NEXMIF: variants seen among roughly 807,000 people sequenced by gnomAD.
NEXMIF encodes the protein neurite extension and migration factor.
In NEXMIF, 8 loss-of-function variants were observed where a neutral mutation model predicts 62.1. That is an observed-to-expected ratio of 0.13 (90% CI 0.08 to 0.23). The LOEUF (loss-of-function observed/expected upper bound fraction) is 0.23, where lower values mean the gene tolerates loss of function less well. NEXMIF is among the 10% of genes least tolerant of loss of function. The pLI, the probability that NEXMIF is intolerant of heterozygous loss-of-function variation, is 1.00. For synonymous variants in NEXMIF, 404 were observed against 416.6 expected, an observed-to-expected ratio of 0.97 and a Z score of 0.37; for missense variants, 976 against 1,113.3, an observed-to-expected ratio of 0.88 and a Z score of 1.75.
intron 1 of NEXMIF, among the ~76,000 whole-genome samples, chrX:74,905,087 T>A (rs1223750339): frequency 9.0e-6 from 1 of 111,526 alleles, no homozygotes; most frequent in Admixed American, 9.6e-5. Flanking sequence ...GAAAAAGTAA[T>A]GTACATGTCA....
At chrX:74,924,468 G>A (rs1307480418) in intron 1 of NEXMIF, among the ~76,000 whole-genome samples, 2 of 113,216 alleles carry the variant, frequency 1.8e-5, no homozygotes, top group Admixed American at 1.8e-4. Context: ...CGCCGCGTGG[G>A]TTTTCCCGCT....
chrX:74,843,262 A>T (rs932745154), intron 1 of NEXMIF, among the ~76,000 whole-genome samples: 1 of 111,303 alleles, frequency 9.0e-6, no homozygotes, highest in African/African-American at 3.3e-5. Flanking sequence ...TTCGTTTGAA[A>T]TCTGTTTTGT....
intron 1 of NEXMIF, among the ~76,000 whole-genome samples, chrX:74,915,307 A>C (rs6647578): frequency 0.13 from 14,613 of 111,562 alleles, 1,581 homozygotes; most frequent in East Asian, 0.91. Context: ...ACAAATATAC[A>C]CATGTGATAA....
Position 74,744,337 on chromosome X carries a change from T to G in NEXMIF, c.220A>C (p.Met74Leu), listed in dbSNP as rs769994558. The G allele has an allele frequency of 6.6e-6, 8 of 1,211,681 alleles. No individual in the cohort carries two copies. The highest frequency in any genetic ancestry group is 8.9e-6 in the Non-Finnish European group (8 of 895,469). The part of the protein sequence containing the change: ...LLPLPSKKPC[M>L]QSPPSPLGLI... ...CCCAAAGGAGAGGGCGGGCTCTGCA[T>G]ACAGGGCTTCTTAGAGGGTAGAGGC... is the stretch of plus-strand genomic sequence containing the variant. Residue 74 changes from methionine (M) to leucine (L), a missense_variant, in exon 3 of 4, where the codon ATG becomes CTG. Transcript: ENST00000055682.
chrX:74,737,726 G>C lies in NEXMIF; in HGVS notation c.*1679C>G, dbSNP rs977454416. On this transcript the variant is annotated 3_prime_UTR_variant, in exon 4 of 4. Coordinates refer to ENST00000055682, the MANE Select transcript of NEXMIF (RefSeq NM_001008537.3). Reference sequence around the variant, plus strand: ...CTCTGTTTGTGAATACATTTAGGTGGCATTGACTAGGTAGGTTCATATTTT... The same window carrying C: ...CTCTGTTTGTGAATACATTTAGGTGCCATTGACTAGGTAGGTTCATATTTT... 1 of 111,238 alleles carries C rather than the reference G, an allele frequency of 9.0e-6. No homozygotes were observed. The highest frequency in any genetic ancestry group is 1.9e-5 in the Non-Finnish European group (1 of 52,952). 9.2% of individuals were successfully genotyped at this position (111,238 alleles called of 1,213,427 possible). A position where few individuals can be genotyped will look rare whatever the true frequency, so the allele number is the denominator to read the frequency against.
intron 1 of NEXMIF, among the ~76,000 whole-genome samples, chrX:74,791,990 T>A (rs1373733864): frequency 7.3e-4 from 81 of 110,665 alleles, no homozygotes; most frequent in Non-Finnish European, 1.3e-3. Context: ...TCTGCTCTGA[T>A]CTTAGTTATT....
At chrX:74,826,937 A>G (rs1055095599) in intron 1 of NEXMIF, among the ~76,000 whole-genome samples, 4 of 111,910 alleles carry the variant, frequency 3.6e-5, no homozygotes, top group Non-Finnish European at 7.5e-5. Flanking sequence ...CTCTCCAAAT[A>G]TGGTACAGTA....
chrX:74,826,865 A>ATTC (rs1569350709), intron 1 of NEXMIF, among the ~76,000 whole-genome samples: 1 of 111,687 alleles, frequency 9.0e-6, no homozygotes, highest in Non-Finnish European at 1.9e-5. Flanking sequence ...AAGTGTTATG[A>ATTC]TTCTAATATT....
At position 74,743,162 on chromosome X, in the gene NEXMIF, C is replaced by A. The variant is rs759191394; in HGVS notation, c.1395G>T (p.Arg465=). 1 of 1,210,937 alleles carries A rather than the reference C, an allele frequency of 8.3e-7. No homozygotes were observed. Among genetic ancestry groups the A allele is most frequent in the South Asian group, 1.8e-5 (1 of 56,890 alleles). ...AGGAGGAGCTGCCAGAATTAGTGTC[C>A]CGAGCCATATAGCGACTACAGTCCT... ...EIKDCSRYMA[R]DTNSGSSSSQ... is the part of the protein sequence containing the mutation. Residue 465 remains arginine (R), a synonymous_variant, in exon 3 of 4, where the codon CGG becomes CGT. Coordinates refer to ENST00000055682, the MANE Select transcript of NEXMIF (RefSeq NM_001008537.3).
intron 1 of NEXMIF, among the ~76,000 whole-genome samples, chrX:74,829,898 A>G (rs1462586304): frequency 9.0e-6 from 1 of 111,511 alleles, no homozygotes; most frequent in Non-Finnish European, 1.9e-5. Context: ...AAATCTGATT[A>G]TTAGATTTTT....
In NEXMIF at chrX:74,740,415, A is replaced by T. The variant is rs2080098457; in HGVS notation, c.4142T>A (p.Ile1381Asn). The T allele has an allele frequency of 8.3e-7, 1 of 1,211,046 alleles. No homozygotes were observed. Among genetic ancestry groups the T allele is most frequent in the Non-Finnish European group, 1.1e-6 (1 of 895,268 alleles). ...AGTPQESKKK[I>N]NSGSQGATKN... ...AGTGGCTCCTTGGGACCCACTGTTG[A>T]TCTTTTTCTTAGACTCCTGTGGTGT... is the stretch of plus-strand genomic sequence containing the variant. Residue 1381 changes from isoleucine to asparagine, a missense_variant, in exon 3 of 4, where the codon ATC becomes AAC. By Grantham distance (149) the Ile-to-Asn change is moderately radical. Coordinates refer to ENST00000055682, the MANE Select transcript of NEXMIF (RefSeq NM_001008537.3).
chrX:74,911,626 CT>C (rs1265254604), intron 1 of NEXMIF, among the ~76,000 whole-genome samples: 1 of 112,171 alleles, frequency 8.9e-6, no homozygotes, highest in Non-Finnish European at 1.9e-5. Flanking sequence ...TTTATTTTCT[CT>C]TTACAGCCTA....
chrX:74,794,308 C>T (rs1266440472), intron 1 of NEXMIF, among the ~76,000 whole-genome samples: 20 of 105,780 alleles, frequency 1.9e-4, no homozygotes, highest in Non-Finnish European at 3.7e-4. Context: ...GGTCAGGGAC[C>T]CACTTGAGGA....
chrX:74,853,857 C>A (rs1003182721), intron 1 of NEXMIF, among the ~76,000 whole-genome samples: 12 of 111,350 alleles, frequency 1.1e-4, no homozygotes, highest in African/African-American at 3.6e-4. Context: ...TTCCTGGACC[C>A]ATACAACTTA....
intron 1 of NEXMIF, among the ~76,000 whole-genome samples, chrX:74,756,221 G>A (rs1036467142): frequency 8.9e-6 from 1 of 111,974 alleles, no homozygotes; most frequent in Non-Finnish European, 1.9e-5. Flanking sequence ...TCGGCCTCCC[G>A]TAGTGCTGGG....
intron 1 of NEXMIF, among the ~76,000 whole-genome samples, chrX:74,826,522 TC>T (rs2080417975): frequency 8.9e-6 from 1 of 112,127 alleles, no homozygotes; most frequent in Admixed American, 9.5e-5. Flanking sequence ...TAACCCCTTA[TC>T]GAATGTATGG....
chrX:74,841,444 CTCTT>C (rs1250231660), intron 1 of NEXMIF, among the ~76,000 whole-genome samples: 7 of 111,808 alleles, frequency 6.3e-5, no homozygotes, highest in Non-Finnish European at 1.1e-4. Flanking sequence ...TTGACTTCCT[CTCTT>C]TCTATGTGGA....
At chrX:74,867,943 A>G (rs1307840019) in intron 1 of NEXMIF, among the ~76,000 whole-genome samples, 1 of 112,186 alleles carries the variant, frequency 8.9e-6, no homozygotes, top group Non-Finnish European at 1.9e-5. Context: ...TATAAGAAAC[A>G]GAAAATCCCG....
At chrX:74,789,227 T>C (rs1188739718) in intron 1 of NEXMIF, among the ~76,000 whole-genome samples, 5 of 103,983 alleles carry the variant, frequency 4.8e-5, no homozygotes, top group African/African-American at 1.8e-4. Context: ...ATGCGGTGTT[T>C]GGTTTTTTGT....
Sources: allele counts gnomAD v4.1 joint callset (sites outside exome capture counted in the v4.1 genomes callset), GRCh38; gene constraint gnomAD v4.1.1; transcripts MANE v1.5; gene names NCBI Gene and HGNC (gene_info 2026-07-23, HGNC 2026-07-21).